CSMD1: variants seen among roughly 807,000 people sequenced by gnomAD.
The protein encoded by CSMD1 is CUB and Sushi multiple domains 1, also known as CUB and sushi domain-containing protein 1.
In CSMD1, 213 loss-of-function variants were observed where a neutral mutation model predicts 417.5. The observed-to-expected ratio is 0.51, with a 90% CI of 0.46 to 0.57. The LOEUF (loss-of-function observed/expected upper bound fraction) is 0.57. CSMD1 is among the 20% of genes least tolerant of loss of function. The pLI is 0.00. For synonymous variants in CSMD1, 2,862 were observed against 1,736.8 expected, an observed-to-expected ratio of 1.65 and a Z score of -16.11; for missense variants, 6,923 against 4,529.7, an observed-to-expected ratio of 1.53 and a Z score of -15.17.
At chr8:3,494,497 T>A (rs554421758) in intron 10 of CSMD1, among the ~76,000 whole-genome samples, 4 of 151,908 alleles carry the variant, frequency 2.6e-5, no homozygotes, top group Non-Finnish European at 4.4e-5. Context: ...AGAGGAATGA[T>A]AGATAGATGA....
intron 52 of CSMD1, among the ~76,000 whole-genome samples, chr8:3,007,133 C>T (rs1388593879): frequency 1.3e-5 from 2 of 149,456 alleles, no homozygotes; most frequent in Non-Finnish European, 3.0e-5. Flanking sequence ...AGACACTTCT[C>T]AAAAGAAGAC....
intron 3 of CSMD1, among the ~76,000 whole-genome samples, chr8:4,058,137 T>G (rs1004410908): frequency 6.6e-6 from 1 of 152,216 alleles, no homozygotes; most frequent in African/African-American, 2.4e-5. Context: ...CATGGCCATT[T>G]TCACGATATT....
intron 3 of CSMD1, among the ~76,000 whole-genome samples, chr8:4,129,126 G>C (rs78114683): frequency 0.033 from 4,744 of 145,906 alleles, 250 homozygotes; most frequent in African/African-American, 0.11. Flanking sequence ...TATTGTTGTT[G>C]TTGCTTTTGT....
At chr8:4,122,597 G>C (rs1020244143) in intron 3 of CSMD1, among the ~76,000 whole-genome samples, 15 of 152,126 alleles carry the variant, frequency 9.9e-5, no homozygotes, top group African/African-American at 3.6e-4. Context: ...TACAAAATTA[G>C]GGCTCTTCTG....
chr8:4,821,257 T>C (rs564860872), intron 1 of CSMD1, among the ~76,000 whole-genome samples: 1 of 152,268 alleles, frequency 6.6e-6, no homozygotes, highest in East Asian at 1.9e-4. Context: ...CAGACTCCAG[T>C]TCAAATTGAG....
At chr8:4,870,219 T>C (rs1354986071) in intron 1 of CSMD1, among the ~76,000 whole-genome samples, 1 of 152,164 alleles carries the variant, frequency 6.6e-6, no homozygotes, top group Non-Finnish European at 1.5e-5. Flanking sequence ...TGGTCCTTCT[T>C]CATCCCACAA....
intron 5 of CSMD1, among the ~76,000 whole-genome samples, chr8:3,921,796 G>C (rs1282334745): frequency 2.6e-5 from 4 of 152,006 alleles, no homozygotes; most frequent in African/African-American, 7.2e-5. Flanking sequence ...TTGTTTTATG[G>C]CCTAACATAT....
At chr8:3,685,997 ATTCTTTCT>A (rs1363579618) in intron 7 of CSMD1, among the ~76,000 whole-genome samples, 1 of 152,068 alleles carries the variant, frequency 6.6e-6, no homozygotes. Context: ...AAAATATATT[ATTCTTTCT>A]TTCTTTCTGT....
intron 8 of CSMD1, among the ~76,000 whole-genome samples, chr8:3,602,472 G>T (rs1251625509): frequency 6.6e-6 from 1 of 152,096 alleles, no homozygotes; most frequent in African/African-American, 2.4e-5. Flanking sequence ...GTTGGTCATT[G>T]AACGTTCACT....
chr8:4,192,858 G>A (rs955045029), intron 3 of CSMD1, among the ~76,000 whole-genome samples: 1 of 152,092 alleles, frequency 6.6e-6, no homozygotes, highest in Non-Finnish European at 1.5e-5. Flanking sequence ...TCATGTTCCT[G>A]TATTCTGTCC....
intron 1 of CSMD1, among the ~76,000 whole-genome samples, chr8:4,904,508 T>C (rs1348464571): frequency 6.6e-6 from 1 of 152,150 alleles, no homozygotes; most frequent in African/African-American, 2.4e-5. Flanking sequence ...ACTCAGAGCC[T>C]ACTACCCTTT....
intron 26 of CSMD1, among the ~76,000 whole-genome samples, chr8:3,240,396 G>A (rs57123509): frequency 0.014 from 2,090 of 149,266 alleles, 52 homozygotes; most frequent in African/African-American, 0.049. Flanking sequence ...ATCTAAAGTC[G>A]AAAGTATCCA....
intron 3 of CSMD1, among the ~76,000 whole-genome samples, chr8:4,102,301 C>A (rs572837939): frequency 6.6e-6 from 1 of 152,112 alleles, no homozygotes; most frequent in African/African-American, 2.4e-5. Flanking sequence ...AAATCATGAT[C>A]TTAGCTTTTT....
At chr8:3,522,944 A>T (rs1205449906) in intron 10 of CSMD1, among the ~76,000 whole-genome samples, 1 of 150,708 alleles carries the variant, frequency 6.6e-6, no homozygotes, top group Non-Finnish European at 1.5e-5. Flanking sequence ...TATATTGACA[A>T]ATATTTAAAC....
rs146630673 is a variant in CSMD1 at position 3,930,931 on chromosome 8, G to T, written c.818+66972C>A. ...AATAATTTACAATGGTTCAATTGTT[G>T]CTAGGATTCTTAAAAACCTAAAATA... On this transcript the variant is annotated intron_variant, in intron 5 of 69. Transcript: ENST00000635120. 4.3e-4 allele frequency among the ~76,000 whole-genome samples: 64 copies of T among 150,568 alleles called. 1 individual carries two copies. The highest frequency in any genetic ancestry group is 1.4e-3 in the Admixed American group (21 of 15,136).
intron 5 of CSMD1, among the ~76,000 whole-genome samples, chr8:3,919,502 T>A (rs1809078362): frequency 6.6e-6 from 1 of 152,174 alleles, no homozygotes. Context: ...TGTGTCTGTT[T>A]TTATTACAGT....
intron 10 of CSMD1, among the ~76,000 whole-genome samples, chr8:3,527,803 T>A (rs566965871): frequency 3.3e-5 from 5 of 152,286 alleles, no homozygotes; most frequent in African/African-American, 1.2e-4. Context: ...AAAATAAAGT[T>A]ACAAAACATC....
chr8:3,984,703 TCATATATATATATATATATATA>T (rs1273479664), intron 5 of CSMD1, among the ~76,000 whole-genome samples: 5 of 65,500 alleles, frequency 7.6e-5, no homozygotes, highest in Non-Finnish European at 1.5e-4. Context: ...AGTGTATATA[TCATATATATATATATATATATA>T]TATATATATA....
chr8:3,607,174 A>C (rs564091191), intron 8 of CSMD1, among the ~76,000 whole-genome samples: 1 of 152,304 alleles, frequency 6.6e-6, no homozygotes, highest in South Asian at 2.1e-4. Context: ...ATAAACTAAA[A>C]CATGAACAAG....
Sources: gnomAD v4.1 joint callset for allele counts (sites outside exome capture counted in the v4.1 genomes callset) on GRCh38, gnomAD v4.1.1 for gene constraint, MANE v1.5 for transcripts, NCBI Gene and HGNC (gene_info 2026-07-23, HGNC 2026-07-21) for gene names.